Variants in TANC1 observed in about 807,000 individuals in gnomAD.
TANC1 encodes protein TANC1.
A neutral mutation model predicts 149.7 loss-of-function variants in TANC1; 77 were observed. That is an observed-to-expected ratio of 0.51 (90% CI 0.43 to 0.62). The LOEUF is 0.62. Ranked by LOEUF, TANC1 falls within the 20% of genes least tolerant of loss-of-function variation. TANC1 has a pLI of 0.00. For missense variants in TANC1, 1,985 were observed against 2,321.8 expected (o/e 0.85, Z 2.98); for synonymous variants, 854 against 925.0 (o/e 0.92, Z 1.39).
At chr2:159,159,123 T>C (rs903862314) in intron 7 of TANC1, among the ~76,000 whole-genome samples, 3 of 152,172 alleles carry the variant, frequency 2.0e-5, no homozygotes, top group Non-Finnish European at 4.4e-5. Flanking sequence ...ATTTTATTTT[T>C]CTTTTGCTGA....
At chr2:159,031,171 T>C (rs1333498302) in intron 2 of TANC1, among the ~76,000 whole-genome samples, 1 of 152,206 alleles carries the variant, frequency 6.6e-6, no homozygotes, top group Non-Finnish European at 1.5e-5. Flanking sequence ...GCCAAGTTAC[T>C]GGATACAAGG....
At position 159,229,891 on chromosome 2, in the gene TANC1, C is replaced by T; in HGVS notation, c.4465C>T (p.Arg1489Ter). Residue 1489 changes from arginine (R) to a stop codon, truncating the protein, a stop_gained, in exon 27 of 27, where the codon CGA (arginine) becomes TGA (stop). Transcript: ENST00000263635. LOFTEE classifies it low-confidence loss of function (END_TRUNC). ...PSSSVPSSYI[R>*]NLQEGLQSKG... ...CTCATCTGTCCCTTCCTCATACATC[C>T]GAAACCTTCAAGAAGGGTTACAGTC... 2.5e-6 allele frequency: 4 copies of T among 1,614,116 alleles called. No individual in the cohort carries two copies. Among genetic ancestry groups the T allele is most frequent in the South Asian group, 2.2e-5 (2 of 91,084 alleles).
In TANC1 at chr2:159,194,459, A is replaced by G. The variant is rs2057702528; in HGVS notation, c.2945A>G (p.Lys982Arg). Residue 982 changes from lysine to arginine, a missense_variant, in exon 17 of 27, where the codon AAG becomes AGG. Around this residue, in one of 3 missense-constraint regions of TANC1, gnomAD observed 508 missense variants for 714.2 expected, o/e 0.71. Transcript: ENST00000263635. Reference sequence around the variant, plus strand: ...TACGCAGCAGCTGCTGGCCACATGAAGCTGGTGTGTCTGCTGACCAAGAAG... The same window carrying G: ...TACGCAGCAGCTGCTGGCCACATGAGGCTGGTGTGTCTGCTGACCAAGAAG... ...LCYAAAAGHMKLVCLLTKKGV... is the reference protein window; with the variant it reads ...LCYAAAAGHMRLVCLLTKKGV... 6.2e-7 allele frequency: 1 copy of G among 1,614,272 alleles called. No individual in the cohort carries two copies. Among genetic ancestry groups the G allele is most frequent in the Non-Finnish European group, 8.5e-7 (1 of 1,180,042 alleles).
Position 159,172,216 on chromosome 2 carries a change from A to G in TANC1, c.1447A>G (p.Ile483Val). ...CACAGCTAAAACACCTCTTGGGTCT[A>G]TCAGTGCTGAAAACCAGAGACCAAG... ...SSTAKTPLGS[I>V]SAENQRPRED... The change falls in exon 11 of 27, where the codon ATC (isoleucine) becomes GTC (valine). Residue 483 changes from isoleucine (I) to valine (V), a missense_variant. Physicochemically the swap from Ile to Val is conservative, Grantham distance 29. Around this residue, in one of 3 missense-constraint regions of TANC1, gnomAD observed 557 missense variants for 612.9 expected, o/e 0.91. Transcript: ENST00000263635. 6.2e-7 allele frequency: 1 copy of G among 1,614,202 alleles called. No individual in the cohort carries two copies. The highest frequency in any genetic ancestry group is 1.1e-5 in the South Asian group (1 of 91,084).
At chr2:159,132,953 G>C (rs1248843240) in intron 4 of TANC1, among the ~76,000 whole-genome samples, 1 of 152,078 alleles carries the variant, frequency 6.6e-6, no homozygotes, top group Non-Finnish European at 1.5e-5. Context: ...TGAAGGCTCT[G>C]GGTGATACTG....
intron 7 of TANC1, among the ~76,000 whole-genome samples, chr2:159,152,604 C>A (rs568536741): frequency 1.3e-5 from 2 of 152,022 alleles, no homozygotes; most frequent in Non-Finnish European, 2.9e-5. Context: ...ATCCTCCCAC[C>A]TCAGGTTCCC....
intron 19 of TANC1, among the ~76,000 whole-genome samples, chr2:159,208,977 C>G (rs1375580807): frequency 6.6e-6 from 1 of 152,196 alleles, no homozygotes; most frequent in African/African-American, 2.4e-5. Flanking sequence ...CTAAACATGT[C>G]TAAACATAGA....
intron 3 of TANC1, among the ~76,000 whole-genome samples, chr2:159,092,848 G>T (rs1420833005): frequency 6.6e-6 from 1 of 152,186 alleles, no homozygotes; most frequent in East Asian, 1.9e-4. Flanking sequence ...CACTAAAAAT[G>T]TGTCGTTTTG....
At chr2:158,977,872 G>A (rs1353636230) in intron 1 of TANC1, among the ~76,000 whole-genome samples, 1 of 152,016 alleles carries the variant, frequency 6.6e-6, no homozygotes. Context: ...GCCCGTCCCT[G>A]ATACTTTGTT....
At chr2:159,010,494 TC>T (rs1429982347) in intron 2 of TANC1, among the ~76,000 whole-genome samples, 2 of 152,144 alleles carry the variant, frequency 1.3e-5, no homozygotes, top group African/African-American at 4.8e-5. Flanking sequence ...AAACTTGCCC[TC>T]CTCACTCTTG....
At chr2:159,050,117 A>G (rs978134351) in intron 2 of TANC1, among the ~76,000 whole-genome samples, 1 of 151,876 alleles carries the variant, frequency 6.6e-6, no homozygotes. Context: ...TAGTGACATA[A>G]TTTTTTTTGT....
chr2:159,219,719 A>G lies in TANC1; in HGVS notation c.3530A>G (p.Glu1177Gly), dbSNP rs766304396. 53 of 1,614,052 alleles carry G rather than the reference A, an allele frequency of 3.3e-5. No homozygotes were observed. Among genetic ancestry groups the G allele is most frequent in the Non-Finnish European group, 4.2e-5 (50 of 1,180,038 alleles). ...KGAALSSLDK[E>G]GLSALSWACL... ...GCAGCCCTTTCTTCTCTAGACAAAG[A>G]GGGTCTGTCAGCATTAAGCTGGGCT... The change falls in exon 22 of 27, where the codon GAG (glutamate) becomes GGG (glycine). Residue 1177 changes from glutamate (E) to glycine (G), a missense_variant. Glu to Gly is a moderately conservative substitution (Grantham distance 98). Around this residue, in one of 3 missense-constraint regions of TANC1, gnomAD observed 920 missense variants for 994.7 expected, o/e 0.92. Coordinates refer to ENST00000263635, the MANE Select transcript of TANC1 (RefSeq NM_033394.3).
At chr2:159,115,932 G>A (rs1358239330) in intron 4 of TANC1, among the ~76,000 whole-genome samples, 14 of 152,118 alleles carry the variant, frequency 9.2e-5, no homozygotes, top group African/African-American at 3.1e-4. Flanking sequence ...AGGTGCTGGT[G>A]TAATTAACTA....
chr2:159,149,358 G>A (rs748427808), intron 6 of TANC1, 86 bp downstream of exon 6: 1 of 1,576,540 alleles, frequency 6.3e-7, no homozygotes, highest in Non-Finnish European at 8.7e-7. Flanking sequence ...CTTGAGCAGG[G>A]AAGCCATTGT....
Position 159,230,641 on chromosome 2 carries a change from C to T in TANC1, c.5215C>T (p.Pro1739Ser). 1.2e-6 allele frequency: 2 copies of T among 1,614,226 alleles called. No individual in the cohort carries two copies. Among genetic ancestry groups the T allele is most frequent in the African/African-American group, 1.3e-5 (1 of 75,054 alleles). Residue 1739 changes from proline (P) to serine (S), a missense_variant, in exon 27 of 27, where the codon CCT (proline) becomes TCT (serine). Pro to Ser is a moderately conservative substitution (Grantham distance 74). Around this residue, in one of 3 missense-constraint regions of TANC1, gnomAD observed 920 missense variants for 994.7 expected, o/e 0.92. Coordinates refer to ENST00000263635, the MANE Select transcript of TANC1 (RefSeq NM_033394.3). This position sits in a 1 kb window ranked among gnomAD's most constrained non-coding sequence, Gnocchi z 4.4. ...TGCGAGGTTCCAACAGCAGAGCAATCCTCCAAGCCGCAGCTGGCACTGTCC... is the reference window on the plus strand; with the variant it reads ...TGCGAGGTTCCAACAGCAGAGCAATTCTCCAAGCCGCAGCTGGCACTGTCC... ...KTARFQQQSN[P>S]PSRSWHCPAP...
chr2:159,047,191 C>CG (rs143093979), intron 2 of TANC1, among the ~76,000 whole-genome samples: 3 of 149,592 alleles, frequency 2.0e-5, no homozygotes, highest in African/African-American at 4.9e-5. Context: ...ACTCATTTCC[C>CG]CCCCCCAGTT....
rs573907315 is a variant in TANC1 at position 159,231,110 on chromosome 2, A to C, written c.*98A>C. 11 of 1,080,308 alleles carry C rather than the reference A, an allele frequency of 1.0e-5. No individual in the cohort carries two copies. Among genetic ancestry groups the C allele is most frequent in the Non-Finnish European group, 1.4e-5 (11 of 763,978 alleles). 66.9% of individuals were successfully genotyped at this position (1,080,308 alleles called of 1,614,324 possible). On this transcript the variant is annotated 3_prime_UTR_variant, in exon 27 of 27. Coordinates refer to ENST00000263635, the MANE Select transcript of TANC1 (RefSeq NM_033394.3). ...TCATCAGAAAAATTATTTTTTAGCCATTTTTTTTCTTTGGGGTGGATCTGA... is the reference window on the plus strand; with the variant it reads ...TCATCAGAAAAATTATTTTTTAGCCCTTTTTTTTCTTTGGGGTGGATCTGA...
At chr2:159,076,819 G>A (rs901414122) in intron 3 of TANC1, among the ~76,000 whole-genome samples, 1 of 152,146 alleles carries the variant, frequency 6.6e-6, no homozygotes, top group Non-Finnish European at 1.5e-5. Flanking sequence ...TGTAGTGTTT[G>A]TACGTTAGTG....
intron 14 of TANC1, among the ~76,000 whole-genome samples, chr2:159,183,676 G>A (rs1328782694): frequency 5.3e-5 from 8 of 152,170 alleles, no homozygotes; most frequent in African/African-American, 1.4e-4. Flanking sequence ...CTTAGGGGGC[G>A]GGTGGTTTTG....
Sources: allele counts gnomAD v4.1 joint callset (sites outside exome capture counted in the v4.1 genomes callset), GRCh38; gene constraint gnomAD v4.1.1; regional missense constraint gnomAD v4.1.1; non-coding constraint Gnocchi (gnomAD v3.1); transcripts MANE v1.5; gene names NCBI Gene and HGNC (gene_info 2026-07-23, HGNC 2026-07-21).